PTN: variants seen among roughly 807,000 people sequenced by gnomAD.
The protein encoded by PTN is heparin affin regulatory protein.
Under a neutral mutation model 24.1 loss-of-function variants are expected in PTN, and 18 were observed. The observed-to-expected ratio is 0.75, with a 90% CI of 0.52 to 1.11. The LOEUF (loss-of-function observed/expected upper bound fraction) is 1.11. PTN is among the 50% of genes least tolerant of loss of function. PTN has a pLI of 0.00. For missense variants in PTN, 163 were observed against 198.8 expected (o/e 0.82, Z 1.08); for synonymous variants, 78 against 68.6 (o/e 1.14, Z -0.67).
At chr7:137,328,241 CTTTGCAGCTTTCTAGGT>C (rs1031898234) in intron 1 of PTN, among the ~76,000 whole-genome samples, 1 of 152,136 alleles carries the variant, frequency 6.6e-6, no homozygotes, top group African/African-American at 2.4e-5. Context: ...TTCCTTCATG[CTTTGCAGCTTTCTAGGT>C]TTTGCCTCTT....
intron 1 of PTN, among the ~76,000 whole-genome samples, chr7:137,294,750 A>C (rs1470025374): frequency 6.6e-6 from 1 of 152,154 alleles, no homozygotes; most frequent in Non-Finnish European, 1.5e-5. Flanking sequence ...AATACGTGGA[A>C]GGCAAATAAA....
At chr7:137,240,922 AT>A (rs1808617178) in intron 4 of PTN, among the ~76,000 whole-genome samples, 1 of 152,194 alleles carries the variant, frequency 6.6e-6, no homozygotes, top group Admixed American at 6.5e-5. Flanking sequence ...GTATTAGTTC[AT>A]TTTCACACTG....
At chr7:137,277,647 G>C (rs1809383026) in intron 1 of PTN, among the ~76,000 whole-genome samples, 1 of 152,134 alleles carries the variant, frequency 6.6e-6, no homozygotes, top group Non-Finnish European at 1.5e-5. Flanking sequence ...ATGGCTCACT[G>C]CAGCCTTAAC....
intron 1 of PTN, among the ~76,000 whole-genome samples, chr7:137,342,745 A>T (rs1332778465): frequency 1.3e-5 from 2 of 152,216 alleles, no homozygotes; most frequent in African/African-American, 4.8e-5. Flanking sequence ...TATGTGGGTC[A>T]AATTAAAAGT....
At chr7:137,271,949 C>A (rs995373866) in intron 1 of PTN, among the ~76,000 whole-genome samples, 1 of 152,192 alleles carries the variant, frequency 6.6e-6, no homozygotes, top group African/African-American at 2.4e-5. Flanking sequence ...ACACAGCAGA[C>A]CCATAATATC....
At chr7:137,239,104 A>C (rs1284173380) in intron 4 of PTN, among the ~76,000 whole-genome samples, 1 of 152,202 alleles carries the variant, frequency 6.6e-6, no homozygotes. Context: ...ACAAATATTT[A>C]TAGCTGCTAG....
intron 1 of PTN, among the ~76,000 whole-genome samples, chr7:137,273,197 T>C (rs572432642): frequency 1.3e-5 from 2 of 152,340 alleles, no homozygotes; most frequent in Middle Eastern, 6.8e-3. Flanking sequence ...ATATGTTTGT[T>C]AAATAAATGA....
chr7:137,320,630 T>C (rs1236406795), intron 1 of PTN, among the ~76,000 whole-genome samples: 3 of 152,114 alleles, frequency 2.0e-5, no homozygotes, highest in African/African-American at 4.8e-5. Context: ...AAGCAAAATT[T>C]TGATTTTTTT....
intron 4 of PTN, among the ~76,000 whole-genome samples, chr7:137,245,411 G>T (rs1808705993): frequency 6.6e-6 from 1 of 152,142 alleles, no homozygotes; most frequent in African/African-American, 2.4e-5. Flanking sequence ...ACATTGGAAG[G>T]CAGCACATTA....
chr7:137,251,999 T>A (rs1166708001), intron 3 of PTN, among the ~76,000 whole-genome samples: 1 of 151,900 alleles, frequency 6.6e-6, no homozygotes, highest in Non-Finnish European at 1.5e-5. Flanking sequence ...TATAAATTCA[T>A]GTATAGGTTT....
intron 1 of PTN, among the ~76,000 whole-genome samples, chr7:137,311,383 C>T (rs1005147032): frequency 1.3e-5 from 2 of 152,086 alleles, no homozygotes; most frequent in Admixed American, 6.5e-5. Flanking sequence ...TGCTTTTATT[C>T]GTGTATTTAC....
rs565111491 is a variant in PTN at position 137,324,378 on chromosome 7, C to T, written c.-2+19061G>A. Among the ~76,000 whole-genome samples the T allele has an allele frequency of 1.4e-4, 20 of 141,196 alleles. No individual in the cohort carries two copies. In the East Asian group the frequency reaches 4.0e-3, roughly 28 times the overall value. 92.6% of individuals were successfully genotyped at this position (141,196 alleles called of 152,430 possible). A position where few individuals can be genotyped will look rare whatever the true frequency, so the allele number is the denominator to read the frequency against. On this transcript the variant is annotated intron_variant, in intron 1 of 4. Coordinates refer to ENST00000348225, the MANE Select transcript of PTN (RefSeq NM_002825.7). ...CAATGATTATGCCTGTGAATAGCAA[C>T]TGCACTCCAGCCTGGGCAGCACAGC... is the stretch of plus-strand genomic sequence containing the variant.
Position 137,253,578 on chromosome 7 carries a change from T to C in PTN, c.175A>G (p.Ser59Gly), listed in dbSNP as rs1406189800. 3 of 1,609,832 alleles carry C rather than the reference T, an allele frequency of 1.9e-6. No individual in the cohort carries two copies. In the African/African-American group the frequency reaches 4.0e-5, roughly 21 times the overall value. The change falls in exon 3 of 5, where the codon AGT becomes GGT. Residue 59 changes from serine (S) to glycine (G), a missense_variant. By Grantham distance (56) the Ser-to-Gly change is moderately conservative. Transcript: ENST00000348225. ...CGTGTGCCCAGCCCACAGTCTCCAC[T>C]GGTGGGCACACACACACTCCACTGC... ...EWQWSVCVPT[S>G]GDCGLGTREG...
At chr7:137,301,878 G>A (rs771605279) in intron 1 of PTN, among the ~76,000 whole-genome samples, 1 of 151,946 alleles carries the variant, frequency 6.6e-6, no homozygotes, top group Non-Finnish European at 1.5e-5. Flanking sequence ...AGGTAACCGC[G>A]AACCTCTTTA....
chr7:137,240,630 G>C (rs1563196491), intron 4 of PTN, among the ~76,000 whole-genome samples: 1 of 152,240 alleles, frequency 6.6e-6, no homozygotes, highest in Non-Finnish European at 1.5e-5. Context: ...CCAGTCTGCT[G>C]TCTCCTGGAG....
intron 1 of PTN, among the ~76,000 whole-genome samples, chr7:137,316,419 A>C (rs990152304): frequency 6.6e-6 from 1 of 152,170 alleles, no homozygotes; most frequent in Non-Finnish European, 1.5e-5. Flanking sequence ...TAAGTCTTAC[A>C]AGAAAGTCTC....
chr7:137,317,561 T>C (rs974796295), intron 1 of PTN, among the ~76,000 whole-genome samples: 3 of 152,140 alleles, frequency 2.0e-5, no homozygotes, highest in African/African-American at 7.2e-5. Flanking sequence ...CTTTACTGAG[T>C]TCCTTTTCAT....
intron 1 of PTN, among the ~76,000 whole-genome samples, chr7:137,283,336 G>A (rs1405120235): frequency 5.9e-5 from 9 of 152,074 alleles, no homozygotes; most frequent in Non-Finnish European, 1.3e-4. Context: ...GCTTTGATTT[G>A]CACGCCTTTC....
intron 1 of PTN, among the ~76,000 whole-genome samples, chr7:137,316,047 G>C (rs1810066358): frequency 6.6e-6 from 1 of 152,162 alleles, no homozygotes; most frequent in Non-Finnish European, 1.5e-5. Flanking sequence ...CTAACTGGGT[G>C]ATCTCCTCTT....
Sources: allele counts gnomAD v4.1 joint callset (sites outside exome capture counted in the v4.1 genomes callset), GRCh38; gene constraint gnomAD v4.1.1; transcripts MANE v1.5; gene names NCBI Gene and HGNC (gene_info 2026-07-23, HGNC 2026-07-21).